GTPBP6: variants seen among roughly 807,000 people sequenced by gnomAD.
GTPBP6 encodes putative GTP-binding protein 6.
Under a neutral mutation model 28.9 loss-of-function variants are expected in GTPBP6, and 33 were observed. The ratio of observed to expected loss-of-function variants is 1.14; its 90% CI spans 0.87 to 1.53. GTPBP6 has a LOEUF of 1.53. GTPBP6 is among the 40% of genes most tolerant of loss of function. GTPBP6 has a pLI of 0.00. For missense variants in GTPBP6, 507 were observed against 408.3 expected (o/e 1.24, Z -2.08); for synonymous variants, 231 against 192.7 (o/e 1.20, Z -1.65).
At position 311,326 on chromosome X, in the gene GTPBP6, G is replaced by A. The variant is rs1490385318; in HGVS notation, c.1125+93C>T. The A allele has an allele frequency of 1.5e-5, 14 of 912,476 alleles. No individual in the cohort carries two copies. The East Asian group carries it at 2.5e-4, about 16-fold the overall frequency. 56.5% of individuals were successfully genotyped at this position (912,476 alleles called of 1,614,324 possible). On this transcript the variant is annotated intron_variant, in intron 7 of 9. Coordinates refer to ENST00000326153, the Ensembl canonical transcript of GTPBP6. The stretch of plus-strand genomic sequence containing the variant: ...CGGCCCCTGGGCTGAGTGGGTGTCC[G>A]AGGGCCCGACCCCTGGCTGTGTGTG...
exon 6 of GTPBP6, chrX:312,874 T>G: frequency 1.2e-5 from 20 of 1,612,832 alleles, no homozygotes; most frequent in Non-Finnish European, 1.7e-5. Context: ...TTCCTGATCT[T>G]GGCCTCCTTC....
Position 315,119 on chromosome X carries a change from C to T in GTPBP6, c.559-99G>A, listed in dbSNP as rs1232915810. The T allele has an allele frequency of 2.4e-3, 957 of 398,530 alleles. 9 individuals are homozygous for T. Among genetic ancestry groups the T allele is most frequent in the African/African-American group, 0.018 (880 of 48,762 alleles). 24.7% of individuals were successfully genotyped at this position (398,530 alleles called of 1,614,324 possible). A position where few individuals can be genotyped will look rare whatever the true frequency, so the allele number is the denominator to read the frequency against. On this transcript the variant is annotated intron_variant, in intron 3 of 9. Transcript: ENST00000326153. ...GACGTCTCTAATGCCTTAACCCCAC[C>T]GTGTCCCCATCTGTCCCCATCTGTC...
At chrX:307,209 T>C in intron 9 of GTPBP6, 151 bp downstream of exon 9, 1 of 689,638 alleles carries the variant, frequency 1.5e-6, no homozygotes, top group Non-Finnish European at 2.4e-6. Context: ...GTCACAAATG[T>C]ACATTTGATG....
intron 4 of GTPBP6, among the ~76,000 whole-genome samples, chrX:314,577 A>G (rs1426242634): frequency 6.6e-6 from 1 of 150,872 alleles, no homozygotes; most frequent in Non-Finnish European, 1.5e-5. Flanking sequence ...GGTTCACGCC[A>G]TTCTCCTGCC....
exon 1 of GTPBP6, chrX:318,707 G>A (rs2070485648): frequency 5.4e-6 from 2 of 370,522 alleles, no homozygotes; most frequent in Admixed American, 9.3e-5. Flanking sequence ...AGGACGGCGC[G>A]GCTGCCCGCG....
exon 8 of GTPBP6, chrX:307,879 T>G: frequency 6.6e-7 from 1 of 1,518,628 alleles, no homozygotes; most frequent in Non-Finnish European, 8.8e-7. Context: ...CAAGATGAGA[T>G]CCTGTGGGCC....
At chrX:311,721 C>T in intron 6 of GTPBP6, 94 bp from the exon 7 acceptor site, 1 of 1,038,990 alleles carries the variant, frequency 9.6e-7, no homozygotes. Context: ...CCACGGCACC[C>T]TCTGGGGGGC....
chrX:305,319 C>T (rs947052203), intron 9 of GTPBP6, 122 bp from the exon 10 acceptor site: 7 of 735,374 alleles, frequency 9.5e-6, no homozygotes, highest in African/African-American at 4.0e-5. Context: ...GTCCTGTTTC[C>T]TTTTGTTTTT....
intron 1 of GTPBP6, among the ~76,000 whole-genome samples, 195 bp from the exon 2 acceptor site, chrX:317,246 C>A (rs1273772357): frequency 3.3e-5 from 5 of 152,154 alleles, no homozygotes; most frequent in African/African-American, 1.2e-4. Flanking sequence ...GACACCGGAG[C>A]CACAGCGGGA....
chrX:312,776 G>C lies in GTPBP6; in HGVS notation c.906C>G (p.Tyr302Ter), dbSNP rs759824959. ...TGGGCGCGTGCTCACCGCAGTTGGTGTACCCCACCACGGAGATCACGGGGA... is the reference window on the plus strand; with the variant it reads ...TGGGCGCGTGCTCACCGCAGTTGGTCTACCCCACCACGGAGATCACGGGGA... The change falls in exon 6 of 10, where the codon TAC becomes TAG. Residue 302 changes from tyrosine to a stop codon, truncating the protein, a stop_gained. Transcript: ENST00000326153. LOFTEE classifies it high-confidence loss of function. 1.2e-6 allele frequency: 2 copies of C among 1,612,346 alleles called. No homozygotes were observed. Among genetic ancestry groups the C allele is most frequent in the Non-Finnish European group, 1.7e-6 (2 of 1,179,596 alleles).
At chrX:310,051 G>C (rs1442632473) in intron 7 of GTPBP6, among the ~76,000 whole-genome samples, 1 of 136,080 alleles carries the variant, frequency 7.3e-6, no homozygotes, top group Non-Finnish European at 1.5e-5. Flanking sequence ...AGGCAGGAAG[G>C]ACCCTCCCCT....
chrX:317,004 C>G (rs1455852018), exon 2 of GTPBP6: 11 of 398,548 alleles, frequency 2.8e-5, no homozygotes, highest in African/African-American at 1.9e-4. Flanking sequence ...ACGGACCAGC[C>G]GTCCAGCGTG....
At chrX:315,347 G>A (rs1249845122) in intron 2 of GTPBP6, 48 bp from the exon 3 acceptor site, 6 of 398,454 alleles carry the variant, frequency 1.5e-5, no homozygotes, top group African/African-American at 8.2e-5. Flanking sequence ...CCACACCCGT[G>A]GACTGTGGGA....
At chrX:310,612 G>GACAGAAGAGGAGACACAGAC (rs1363630149) in intron 7 of GTPBP6, among the ~76,000 whole-genome samples, 1 of 146,668 alleles carries the variant, frequency 6.8e-6, no homozygotes, top group African/African-American at 2.6e-5. Context: ...CCTTCTAAGA[G>GACAGAAGAGGAGACACAGAC]ACAGAAGAGG....
chrX:315,714 CATCCCGACAGGG>C (rs2070422468), intron 2 of GTPBP6, among the ~76,000 whole-genome samples: 16 of 12,928 alleles, frequency 1.2e-3, no homozygotes, highest in East Asian at 4.3e-3. Flanking sequence ...ACAGTAAATA[CATCCCGACAGGG>C]ACAGACACAC....
At chrX:307,856 C>T (rs763296375) in exon 8 of GTPBP6, 19 of 1,536,484 alleles carry the variant, frequency 1.2e-5, no homozygotes, top group African/African-American at 1.4e-5. Context: ...GGGTGGCTGA[C>T]GTCCCTCACG....
intron 1 of GTPBP6, among the ~76,000 whole-genome samples, 155 bp downstream of exon 1, chrX:318,284 T>C (rs1260201709): frequency 1.4e-5 from 2 of 139,124 alleles, no homozygotes; most frequent in Admixed American, 7.2e-5. Context: ...ACCTATGAGA[T>C]TCTCCCCACA....
At chrX:309,258 C>T (rs780595274) in intron 7 of GTPBP6, among the ~76,000 whole-genome samples, 12 of 152,254 alleles carry the variant, frequency 7.9e-5, no homozygotes, top group Middle Eastern at 6.8e-3. Flanking sequence ...GTCTACGGTA[C>T]GGATGGAGTG....
chrX:304,798 G>T, exon 10 of GTPBP6: 1 of 1,353,660 alleles, frequency 7.4e-7, no homozygotes, highest in Non-Finnish European at 9.5e-7. Flanking sequence ...GAAACATTCC[G>T]AGGGAAAGCA....
Sources: gnomAD v4.1 joint callset for allele counts (sites outside exome capture counted in the v4.1 genomes callset) on GRCh38, gnomAD v4.1.1 for gene constraint, MANE v1.5 for transcripts, NCBI Gene and HGNC (gene_info 2026-07-23, HGNC 2026-07-21) for gene names.